CTNNA3: variants seen among roughly 807,000 people sequenced by gnomAD.
CTNNA3 encodes the protein catenin alpha 3.
Under a neutral mutation model 95.7 loss-of-function variants are expected in CTNNA3, and 76 were observed. That is an observed-to-expected ratio of 0.79 (90% confidence interval 0.66 to 0.96). CTNNA3 has a LOEUF of 0.96. Ranked by LOEUF, CTNNA3 falls within the 40% of genes least tolerant of loss-of-function variation. The pLI, the probability that CTNNA3 is intolerant of heterozygous loss-of-function variation, is 0.00. For missense variants in CTNNA3, 1,191 were observed against 1,089.8 expected, an observed-to-expected ratio of 1.09 and a Z score of -1.31; for synonymous variants, 431 against 374.4, an observed-to-expected ratio of 1.15 and a Z score of -1.74.
intron 3 of CTNNA3, among the ~76,000 whole-genome samples, chr10:67,550,276 C>A (rs1358323019): frequency 1.3e-5 from 2 of 152,004 alleles, no homozygotes; most frequent in Non-Finnish European, 2.9e-5. Flanking sequence ...AAATAGTTCC[C>A]CGAAGAATAC....
chr10:66,587,553 A>G (rs746788905), intron 10 of CTNNA3, among the ~76,000 whole-genome samples: 5 of 152,246 alleles, frequency 3.3e-5, no homozygotes, highest in Non-Finnish European at 5.9e-5. Context: ...CCTCACATGC[A>G]GGCACAAGCA....
intron 12 of CTNNA3, among the ~76,000 whole-genome samples, chr10:66,300,002 C>A (rs1342749011): frequency 1.3e-5 from 2 of 152,078 alleles, no homozygotes; most frequent in Admixed American, 1.3e-4. Flanking sequence ...AAGCAATTCT[C>A]CTGCCTCAGC....
rs1003178279 is a variant in CTNNA3, at chr10:66,214,929, G to A, written c.1884+65541C>T. Among the ~76,000 whole-genome samples, 6 of 152,098 alleles carry A rather than the reference G, an allele frequency of 3.9e-5. No individual in the cohort carries two copies. The East Asian group carries it at 1.2e-3, about 29-fold the overall frequency. On this transcript the variant is annotated intron_variant, in intron 13 of 17. Coordinates refer to ENST00000433211, the MANE Select transcript of CTNNA3 (RefSeq NM_013266.4). ...AATTCCCTATGGACTCATGACTCAT[G>A]AGTAAGTCTTAGGAAAAAAAGACAC...
intron 11 of CTNNA3, among the ~76,000 whole-genome samples, chr10:66,497,411 G>A (rs764723150): frequency 7.2e-5 from 11 of 151,808 alleles, no homozygotes; most frequent in Non-Finnish European, 1.6e-4. Flanking sequence ...ATTAAGAAAG[G>A]TTTAATGGAG....
At chr10:66,506,628 G>A (rs1840459485) in intron 11 of CTNNA3, among the ~76,000 whole-genome samples, 1 of 152,238 alleles carries the variant, frequency 6.6e-6, no homozygotes, top group Middle Eastern at 3.4e-3. Flanking sequence ...ACACCAGATT[G>A]TGAGTTCTCT....
At chr10:66,270,091 T>C (rs2091244245) in intron 13 of CTNNA3, among the ~76,000 whole-genome samples, 1 of 152,218 alleles carries the variant, frequency 6.6e-6, no homozygotes. Flanking sequence ...TTTTGTAGTA[T>C]AAAATTTAAC....
chr10:67,506,829 G>C (rs1435027678), intron 5 of CTNNA3, among the ~76,000 whole-genome samples: 1 of 152,170 alleles, frequency 6.6e-6, no homozygotes, highest in East Asian at 1.9e-4. Context: ...TAGTTGTATA[G>C]TAAATATGTG....
At chr10:67,233,889 C>T (rs1451923504) in intron 5 of CTNNA3, among the ~76,000 whole-genome samples, 18 of 152,130 alleles carry the variant, frequency 1.2e-4, no homozygotes, top group Admixed American at 3.3e-4. Flanking sequence ...AACACCTCTA[C>T]GCTAATAAAC....
intron 11 of CTNNA3, among the ~76,000 whole-genome samples, chr10:66,497,940 T>C: frequency 6.6e-6 from 1 of 152,146 alleles, no homozygotes; most frequent in East Asian, 1.9e-4. Flanking sequence ...TTAGGAAATC[T>C]ATCTATCAAA....
intron 5 of CTNNA3, among the ~76,000 whole-genome samples, chr10:67,360,419 A>AT (rs1226060796): frequency 2.6e-5 from 4 of 151,126 alleles, no homozygotes; most frequent in Non-Finnish European, 4.4e-5. Flanking sequence ...CAAGCAGGAA[A>AT]AAAAAAAAAA....
At chr10:67,483,991 T>G (rs1422215495) in intron 5 of CTNNA3, among the ~76,000 whole-genome samples, 5 of 151,988 alleles carry the variant, frequency 3.3e-5, no homozygotes, top group Non-Finnish European at 5.9e-5. Context: ...AAAGTTCAAA[T>G]GGAACCAAAA....
chr10:66,699,996 TTTTTG>T (rs1847892535), intron 9 of CTNNA3, among the ~76,000 whole-genome samples: 1 of 152,100 alleles, frequency 6.6e-6, no homozygotes. Flanking sequence ...ACTTGGTTTT[TTTTTG>T]TTTTGTTTTT....
At chr10:66,505,073 A>C (rs1379492748) in intron 11 of CTNNA3, among the ~76,000 whole-genome samples, 1 of 152,194 alleles carries the variant, frequency 6.6e-6, no homozygotes, top group East Asian at 1.9e-4. Context: ...AATCTGACTT[A>C]TTAAGACAGT....
intron 5 of CTNNA3, among the ~76,000 whole-genome samples, chr10:67,471,986 T>C (rs1399320674): frequency 1.3e-5 from 2 of 152,296 alleles, no homozygotes; most frequent in East Asian, 3.9e-4. Context: ...AGCAAAATTG[T>C]GTCTTTCTTA....
intron 7 of CTNNA3, among the ~76,000 whole-genome samples, chr10:67,086,129 T>A (rs1464089501): frequency 6.6e-6 from 1 of 152,038 alleles, no homozygotes; most frequent in African/African-American, 2.4e-5. Context: ...GATGGATAGA[T>A]AAATGGATGA....
chr10:66,838,546 G>A (rs1274065083), intron 7 of CTNNA3, among the ~76,000 whole-genome samples: 1 of 151,970 alleles, frequency 6.6e-6, no homozygotes, highest in Non-Finnish European at 1.5e-5. Context: ...TCTAAATTCA[G>A]CAAATAAATA....
At chr10:66,698,930 C>T (rs1847854110) in intron 9 of CTNNA3, among the ~76,000 whole-genome samples, 1 of 152,156 alleles carries the variant, frequency 6.6e-6, no homozygotes. Context: ...TCTACCGGAT[C>T]ATTTAAAAAA....
chr10:67,755,802 C>CAAAAAAAAAA (rs201336788), intron 1 of CTNNA3, among the ~76,000 whole-genome samples: 3 of 58,706 alleles, frequency 5.1e-5, no homozygotes, highest in Admixed American at 1.9e-4. Flanking sequence ...GTCTCTGCCT[C>CAAAAAAAAAA]AAAAAAAAAA....
chr10:67,340,754 T>A (rs1268727748), intron 5 of CTNNA3, among the ~76,000 whole-genome samples: 1 of 152,242 alleles, frequency 6.6e-6, no homozygotes, highest in Non-Finnish European at 1.5e-5. Context: ...ACATAAGATG[T>A]GGCTTAAAAT....
Sources: gnomAD v4.1 joint callset for allele counts (sites outside exome capture counted in the v4.1 genomes callset) on GRCh38, gnomAD v4.1.1 for gene constraint, MANE v1.5 for transcripts, NCBI Gene and HGNC (gene_info 2026-07-23, HGNC 2026-07-21) for gene names.